FBXL18: variants seen among roughly 807,000 people sequenced by gnomAD.
FBXL18 encodes the protein F-box and leucine rich repeat protein 18, also known as F-box/LRR-repeat protein 18.
A neutral mutation model predicts 46.0 loss-of-function variants in FBXL18; 36 were observed. The ratio of observed to expected loss-of-function variants is 0.78; its 90% CI spans 0.60 to 1.03. The LOEUF (loss-of-function observed/expected upper bound fraction) is 1.03. Among genes scored for constraint, FBXL18 ranks in the 50% least tolerant of loss-of-function variants. The pLI is 0.00. For synonymous variants in FBXL18, 557 were observed against 465.3 expected (o/e 1.20, Z -2.54); for missense variants, 977 against 1,004.1 (o/e 0.97, Z 0.36).
At chr7:5,467,094 G>A (rs1413481403) in intron 4 of FBXL18, among the ~76,000 whole-genome samples, 1 of 152,196 alleles carries the variant, frequency 6.6e-6, no homozygotes, top group Non-Finnish European at 1.5e-5. Flanking sequence ...GCTCACGCCT[G>A]TAATCCCAGC....
chr7:5,471,012 T>C (rs1163737199), downstream of FBXL18, among the ~76,000 whole-genome samples: 2 of 152,120 alleles, frequency 1.3e-5, no homozygotes, highest in Non-Finnish European at 2.9e-5. Flanking sequence ...CCGGGCTCTG[T>C]GACTGTGCGA....
downstream of FBXL18, among the ~76,000 whole-genome samples, chr7:5,472,467 G>A (rs573034714): frequency 6.6e-6 from 1 of 152,316 alleles, no homozygotes; most frequent in Admixed American, 6.5e-5. Flanking sequence ...GGACCCAGCT[G>A]CCACGCTGTG....
downstream of FBXL18, among the ~76,000 whole-genome samples, chr7:5,471,539 G>C (rs1783427435): frequency 1.3e-5 from 2 of 151,452 alleles, no homozygotes; most frequent in African/African-American, 4.9e-5. Flanking sequence ...GCCTCCCAAA[G>C]TGCTGGGACT....
rs547849057 is a variant in FBXL18, at chr7:5,487,561, CA to C, written c.2000+3669del. 3.9e-5 allele frequency among the ~76,000 whole-genome samples: 6 copies of C among 152,348 alleles called. No homozygotes were observed. The South Asian group carries it at 1.2e-3, about 32-fold the overall frequency. ...TTCCAGGCGTGAACTCCCATCCCTC[CA>C]GCACTCACTCCCTGCCTCATTGCTC... On this transcript the variant is annotated intron_variant, in intron 4 of 4. Coordinates refer to ENST00000382368, the MANE Select transcript of FBXL18 (RefSeq NM_024963.6).
chr7:5,481,543 G>C lies in FBXL18; in HGVS notation c.*232C>G. ...GTTCAGCCAGCCCCCCACATCGACCGTCCCCCGAGCCCCCTCATGTCACCC... is the reference window on the plus strand; with the variant it reads ...GTTCAGCCAGCCCCCCACATCGACCCTCCCCCGAGCCCCCTCATGTCACCC... On this transcript the variant is annotated 3_prime_UTR_variant, in exon 5 of 5. Coordinates refer to ENST00000382368, the MANE Select transcript of FBXL18 (RefSeq NM_024963.6). 2 of 416,786 alleles carry C rather than the reference G, an allele frequency of 4.8e-6. No homozygotes were observed. Among genetic ancestry groups the C allele is most frequent in the South Asian group, 3.2e-5 (1 of 31,154 alleles). The allele number at this position is 416,786 out of a possible 1,614,324, so 25.8% of individuals were successfully genotyped here. A position where few individuals can be genotyped will look rare whatever the true frequency, so the allele number is the denominator to read the frequency against.
intron 3 of FBXL18, 60 bp from the exon 4 acceptor site, chr7:5,491,509 G>T: frequency 7.0e-7 from 1 of 1,433,414 alleles, no homozygotes; most frequent in Non-Finnish European, 9.4e-7. Flanking sequence ...CAGGCCAGCT[G>T]GGCGTCTGGA....
chr7:5,499,023 G>T (rs892827254), intron 3 of FBXL18, among the ~76,000 whole-genome samples: 1 of 152,000 alleles, frequency 6.6e-6, no homozygotes, highest in Non-Finnish European at 1.5e-5. Context: ...TGTTGTGCTT[G>T]GCTCTGGAAA....
downstream of FBXL18, among the ~76,000 whole-genome samples, chr7:5,473,944 G>A (rs1031249740): frequency 4.3e-4 from 66 of 151,958 alleles, no homozygotes; most frequent in Non-Finnish European, 8.5e-4. Flanking sequence ...ACAGGCGTGC[G>A]CCACACCATG....
chr7:5,475,639 T>C (rs73337553), downstream of FBXL18, among the ~76,000 whole-genome samples: 4,264 of 152,130 alleles, frequency 0.028, 225 homozygotes, highest in African/African-American at 0.097. The surrounding 1 kb of genome is among the most constrained non-coding windows in gnomAD (Gnocchi z 4.2). Context: ...GGGTCTTGTG[T>C]CTCCATCCAC....
intron 4 of FBXL18, among the ~76,000 whole-genome samples, chr7:5,463,741 T>TA (rs1562672346): frequency 3.2e-4 from 15 of 46,204 alleles, no homozygotes; most frequent in Non-Finnish European, 7.1e-4. Context: ...TTTTTTTTTT[T>TA]TTTTTTTTTT....
downstream of FBXL18, among the ~76,000 whole-genome samples, chr7:5,472,822 C>T (rs1783447843): frequency 6.6e-6 from 1 of 152,156 alleles, no homozygotes; most frequent in Admixed American, 6.6e-5. Flanking sequence ...GCCGTGAGCA[C>T]CCCACAGTGG....
At chr7:5,475,215 C>T (rs10951955), downstream of FBXL18, among the ~76,000 whole-genome samples, 1 of 151,654 alleles carries the variant, frequency 6.6e-6, no homozygotes, top group Non-Finnish European at 1.5e-5. The surrounding 1 kb of genome is among the most constrained non-coding windows in gnomAD (Gnocchi z 4.2). Flanking sequence ...CCAGCTACTC[C>T]GGAGGCTGAG....
In FBXL18 at chr7:5,480,623, G is replaced by C. The variant is rs1384262065; in HGVS notation, c.*1152C>G. On this transcript the variant is annotated 3_prime_UTR_variant, in exon 5 of 5. Transcript: ENST00000382368. ...CTGTTGTCCAGGCTGGAGTGCAATGGTGTGATCTCGGCTCACTGCAACCTC... is the reference window on the plus strand; with the variant it reads ...CTGTTGTCCAGGCTGGAGTGCAATGCTGTGATCTCGGCTCACTGCAACCTC... 7.5e-6 allele frequency: 1 copy of C among 133,498 alleles called. No homozygotes were observed. The highest frequency in any genetic ancestry group is 2.9e-5 in the African/African-American group (1 of 34,804). 8.3% of individuals were successfully genotyped at this position (133,498 alleles called of 1,614,324 possible).
chr7:5,510,371 C>T (rs983349926), intron 1 of FBXL18, among the ~76,000 whole-genome samples: 2 of 149,712 alleles, frequency 1.3e-5, no homozygotes, highest in Admixed American at 6.7e-5. Context: ...GGCAAAACCT[C>T]GTCTCTACAA....
chr7:5,492,763 T>G (rs906620770), intron 3 of FBXL18, among the ~76,000 whole-genome samples: 1 of 152,056 alleles, frequency 6.6e-6, no homozygotes, highest in Non-Finnish European at 1.5e-5. Flanking sequence ...AGGCAGAGAC[T>G]GGGGCCACGT....
At chr7:5,490,976 TAAG>T (rs1386323120) in intron 4 of FBXL18, among the ~76,000 whole-genome samples, 3 of 151,990 alleles carry the variant, frequency 2.0e-5, no homozygotes, top group Non-Finnish European at 2.9e-5. Flanking sequence ...ATAATAATAA[TAAG>T]AAGAAGACTT....
At chr7:5,511,724 C>T (rs1156479484) in intron 1 of FBXL18, among the ~76,000 whole-genome samples, 1 of 150,178 alleles carries the variant, frequency 6.7e-6, no homozygotes, top group Non-Finnish European at 1.5e-5. Context: ...GCCGAGATCG[C>T]GCCACTGCAC....
chr7:5,492,344 A>G (rs928514266), intron 3 of FBXL18, among the ~76,000 whole-genome samples: 9 of 151,454 alleles, frequency 5.9e-5, no homozygotes, highest in African/African-American at 1.9e-4. Flanking sequence ...AGGCTGTGGG[A>G]CTGGGCAAGA....
chr7:5,468,601 T>C (rs1052471255), intron 4 of FBXL18, among the ~76,000 whole-genome samples: 7 of 152,066 alleles, frequency 4.6e-5, no homozygotes, highest in African/African-American at 1.7e-4. Flanking sequence ...CCTCTTTTTA[T>C]ATTTATTTAG....
Sources: gnomAD v4.1 joint callset for allele counts (sites outside exome capture counted in the v4.1 genomes callset) on GRCh38, gnomAD v4.1.1 for gene constraint, Gnocchi (gnomAD v3.1) non-coding constraint, MANE v1.5 for transcripts, NCBI Gene and HGNC (gene_info 2026-07-23, HGNC 2026-07-21) for gene names.